KIF13B: variants seen among roughly 807,000 people sequenced by gnomAD.
KIF13B encodes kinesin family member 13B.
In KIF13B, 127 loss-of-function variants were observed where a neutral mutation model predicts 222.0. The ratio of observed to expected loss-of-function variants is 0.57; its 90% CI spans 0.50 to 0.66. The LOEUF (loss-of-function observed/expected upper bound fraction) is 0.66. Ranked by LOEUF, KIF13B falls within the 30% of genes least tolerant of loss-of-function variation. KIF13B has a pLI of 0.00. For synonymous variants in KIF13B, 976 were observed against 919.0 expected (o/e 1.06, Z -1.12); for missense variants, 2,173 against 2,379.0 (o/e 0.91, Z 1.80).
At chr8:29,075,590 C>T (rs1045873789) in intron 37 of KIF13B, among the ~76,000 whole-genome samples, 2 of 152,260 alleles carry the variant, frequency 1.3e-5, no homozygotes, top group African/African-American at 4.8e-5. Flanking sequence ...ACACGACGCT[C>T]TCTCCCTCCC....
intron 2 of KIF13B, among the ~76,000 whole-genome samples, chr8:29,232,272 T>A (rs1050543616): frequency 1.5e-4 from 23 of 151,048 alleles, no homozygotes; most frequent in Non-Finnish European, 2.2e-4. Context: ...AAAAATAAAT[T>A]AATTAATTAA....
chr8:29,108,291 A>G, intron 34 of KIF13B, 99 bp from the exon 35 acceptor site: 1 of 1,109,430 alleles, frequency 9.0e-7, no homozygotes, highest in Non-Finnish European at 1.3e-6. Flanking sequence ...CCGAACGTCA[A>G]AGTTGGGTGG....
At chr8:29,168,195 C>T (rs1269451738) in intron 10 of KIF13B, among the ~76,000 whole-genome samples, 1 of 152,248 alleles carries the variant, frequency 6.6e-6, no homozygotes, top group Non-Finnish European at 1.5e-5. Context: ...TCTACAGAAG[C>T]ACTTCCACCG....
intron 3 of KIF13B, among the ~76,000 whole-genome samples, chr8:29,195,556 A>G (rs939554517): frequency 6.6e-6 from 1 of 152,246 alleles, no homozygotes; most frequent in Non-Finnish European, 1.5e-5. Context: ...CAAAACCCCA[A>G]GAATGGAGAC....
Position 29,120,191 on chromosome 8 carries a change from T to A in KIF13B, c.3536-1199A>T, listed in dbSNP as rs1054719967. Among the ~76,000 whole-genome samples, 284 of 80,260 alleles carry A rather than the reference T, an allele frequency of 3.5e-3. 3 individuals carry two copies. The highest frequency in any genetic ancestry group is 0.028 in the East Asian group (108 of 3,878). The allele number at this position is 80,260 out of a possible 152,430, so 52.7% of individuals were successfully genotyped here. A position where few individuals can be genotyped will look rare whatever the true frequency, so the allele number is the denominator to read the frequency against. On this transcript the variant is annotated intron_variant, in intron 29 of 39. Coordinates refer to ENST00000524189, the MANE Select transcript of KIF13B (RefSeq NM_015254.4). ...GTTTTTTTTTTTTTTTTTTTTTTTT[T>A]ATTATACTCTAAGTTTTAGGGTACA...
Position 29,214,925 on chromosome 8 carries a change from C to T in KIF13B, c.150-18726G>A, listed in dbSNP as rs139518278. Among the ~76,000 whole-genome samples the T allele has an allele frequency of 7.2e-5, 11 of 152,200 alleles. 1 individual carries two copies. The East Asian group carries it at 1.2e-3, about 16-fold the overall frequency. ...TGTTGACTAAAATATCATTATGGGGCGCATGACTGTGATAGAGTGGTGATC... is the reference window on the plus strand; with the variant it reads ...TGTTGACTAAAATATCATTATGGGGTGCATGACTGTGATAGAGTGGTGATC... On this transcript the variant is annotated intron_variant, in intron 2 of 39. Transcript: ENST00000524189.
intron 37 of KIF13B, among the ~76,000 whole-genome samples, chr8:29,089,342 G>A (rs1378712717): frequency 6.6e-6 from 1 of 152,102 alleles, no homozygotes; most frequent in Non-Finnish European, 1.5e-5. Flanking sequence ...GGGAGACTGA[G>A]GGTGGAGGAT....
At chr8:29,090,889 A>G (rs1423403184) in intron 37 of KIF13B, among the ~76,000 whole-genome samples, 1 of 152,018 alleles carries the variant, frequency 6.6e-6, no homozygotes, top group Non-Finnish European at 1.5e-5. Flanking sequence ...ACGCCTGGCT[A>G]ATTTTTGTAG....
At chr8:29,099,026 G>A in intron 36 of KIF13B, 107 bp downstream of exon 36, 1 of 871,938 alleles carries the variant, frequency 1.1e-6, no homozygotes, top group Non-Finnish European at 2.0e-6. Context: ...CAACTCGATG[G>A]ACATTATCTA....
chr8:29,123,811 C>T (rs568730425), intron 27 of KIF13B, among the ~76,000 whole-genome samples: 2 of 152,248 alleles, frequency 1.3e-5, no homozygotes, highest in East Asian at 3.9e-4. Context: ...ACTGTATTTG[C>T]TCTTTCTTTG....
At position 29,072,241 on chromosome 8, in the gene KIF13B, C is replaced by A; in HGVS notation, c.4597G>T (p.Ala1533Ser). ...APALKICDKPAKVPSPPPVIA... is the reference protein window; with the variant it reads ...APALKICDKPSKVPSPPPVIA... ...ACAGGCGGTGGGGAAGGCACTTTGG[C>A]AGGTTTGTCGCAGATCTTCAAGGCC... Residue 1533 changes from alanine to serine, a missense_variant, in exon 39 of 40, where the codon GCC becomes TCC. Physicochemically the swap from Ala to Ser is moderately conservative, Grantham distance 99. Around this residue, in one of 2 missense-constraint regions of KIF13B, gnomAD observed 693 missense variants for 656.2 expected, o/e 1.06. Transcript: ENST00000524189. 6.8e-7 allele frequency: 1 copy of A among 1,470,884 alleles called. No homozygotes were observed. 91.1% of individuals were successfully genotyped at this position (1,470,884 alleles called of 1,614,324 possible).
upstream of KIF13B, chr8:29,263,188 T>C (rs573721607): frequency 1.9e-4 from 125 of 645,520 alleles, 1 homozygote; most frequent in African/African-American, 2.0e-3. Context: ...CTCCCCGCTG[T>C]ATGGCGGGAC....
chr8:29,140,373 C>T, intron 20 of KIF13B, 95 bp downstream of exon 20: 7 of 1,428,316 alleles, frequency 4.9e-6, no homozygotes, highest in South Asian at 2.7e-5. Flanking sequence ...TAATAAGACA[C>T]GTTACTGACA....
At chr8:29,180,082 G>A in intron 8 of KIF13B, 22 bp downstream of exon 8, 3 of 1,612,588 alleles carry the variant, frequency 1.9e-6, no homozygotes, top group Non-Finnish European at 2.5e-6. Context: ...TATAAAAACA[G>A]GTCATGCATC....
chr8:29,115,879 C>A (rs1430245549), intron 31 of KIF13B, among the ~76,000 whole-genome samples: 3 of 152,144 alleles, frequency 2.0e-5, no homozygotes, highest in Non-Finnish European at 4.4e-5. Flanking sequence ...TCTCTAAGTC[C>A]CAGTTCAAAC....
intron 37 of KIF13B, among the ~76,000 whole-genome samples, chr8:29,077,298 G>A (rs757988210): frequency 1.3e-5 from 2 of 152,084 alleles, no homozygotes; most frequent in Non-Finnish European, 2.9e-5. Context: ...CCACGGCCCC[G>A]CCTACCGCCA....
intron 2 of KIF13B, among the ~76,000 whole-genome samples, chr8:29,231,962 G>T (rs1815304714): frequency 6.6e-6 from 1 of 152,006 alleles, no homozygotes; most frequent in African/African-American, 2.4e-5. Flanking sequence ...TAATTTAAAA[G>T]AAATTAGAAA....
chr8:29,249,139 T>C (rs1207803957), intron 1 of KIF13B, among the ~76,000 whole-genome samples: 1 of 152,180 alleles, frequency 6.6e-6, no homozygotes, highest in Non-Finnish European at 1.5e-5. Context: ...TACTAAAAGA[T>C]AAGCTCTGCC....
At chr8:29,248,996 T>TG (rs1423668460) in intron 1 of KIF13B, among the ~76,000 whole-genome samples, 1 of 152,180 alleles carries the variant, frequency 6.6e-6, no homozygotes, top group Non-Finnish European at 1.5e-5. Flanking sequence ...TTGAATTGTA[T>TG]GGGGCATGAA....
Sources: gnomAD v4.1 joint callset for allele counts (sites outside exome capture counted in the v4.1 genomes callset) on GRCh38, gnomAD v4.1.1 for gene constraint, gnomAD v4.1.1 regional missense constraint, MANE v1.5 for transcripts, NCBI Gene and HGNC (gene_info 2026-07-23, HGNC 2026-07-21) for gene names.